RGS21: variants seen among roughly 807,000 people sequenced by gnomAD.
RGS21 encodes regulator of G protein signaling 21.
Under a neutral mutation model 18.7 loss-of-function variants are expected in RGS21, and 19 were observed. The ratio of observed to expected loss-of-function variants is 1.01; its 90% CI spans 0.71 to 1.49. RGS21 has a LOEUF of 1.49. Among genes scored for constraint, RGS21 ranks in the 40% most tolerant of loss-of-function variants. The probability of loss-of-function intolerance (pLI) is 0.00; values close to 1 mark genes in which losing one functional copy is unlikely to be tolerated. For synonymous variants in RGS21, 56 were observed against 57.8 expected, an observed-to-expected ratio of 0.97 and a Z score of 0.14; for missense variants, 194 against 176.8, an observed-to-expected ratio of 1.10 and a Z score of -0.55.
chr1:192,365,820 A>G, intron 4 of RGS21, 101 bp from the exon 5 acceptor site: 2 of 645,632 alleles, frequency 3.1e-6, no homozygotes, highest in South Asian at 2.0e-5. Flanking sequence ...TTTGCATCAG[A>G]TTTGCTTTGT....
chr1:192,350,141 T>C (rs535376596), intron 3 of RGS21, among the ~76,000 whole-genome samples: 2 of 152,300 alleles, frequency 1.3e-5, no homozygotes, highest in African/African-American at 4.8e-5. Context: ...TGAATTTTTA[T>C]ATAGTGCTCA....
At chr1:192,324,539 A>T (rs1170650641) in intron 1 of RGS21, among the ~76,000 whole-genome samples, 1 of 152,060 alleles carries the variant, frequency 6.6e-6, no homozygotes, top group African/African-American at 2.4e-5. Context: ...TGAAATAATG[A>T]TTATGTTGCA....
chr1:192,339,202 A>T (rs757875832), intron 1 of RGS21, among the ~76,000 whole-genome samples: 1 of 150,462 alleles, frequency 6.6e-6, no homozygotes. Context: ...TGGATGTCAT[A>T]CAATCAAATC....
At chr1:192,325,218 G>A (rs143936811) in intron 1 of RGS21, among the ~76,000 whole-genome samples, 1,750 of 152,102 alleles carry the variant, frequency 0.012, 21 homozygotes, top group Middle Eastern at 0.061. Flanking sequence ...CTAAGAACAG[G>A]AGGTATTTGG....
chr1:192,356,271 G>C (rs1355316241), intron 4 of RGS21, among the ~76,000 whole-genome samples: 1 of 151,730 alleles, frequency 6.6e-6, no homozygotes, highest in Non-Finnish European at 1.5e-5. Context: ...TCTGTGCCTA[G>C]TCACATCCTT....
At position 192,347,332 on chromosome 1, in the gene RGS21, C is replaced by T; in HGVS notation, c.31C>T (p.Pro11Ser). 6.2e-7 allele frequency: 1 copy of T among 1,606,730 alleles called. No individual in the cohort carries two copies. The highest frequency in any genetic ancestry group is 8.5e-7 in the Non-Finnish European group (1 of 1,174,216). Residue 11 changes from proline (P) to serine (S), a missense_variant, in exon 3 of 5, where the codon CCA becomes TCA. By Grantham distance (74) the Pro-to-Ser change is moderately conservative. Coordinates refer to ENST00000417209, the MANE Select transcript of RGS21 (RefSeq NM_001039152.3). ...GGTTAGATGCTGTTTCTACAGGTCA[C>T]CAACTGCGGAAACAATGACATGGTC... MPVKCCFYRS[P>S]TAETMTWSEN...
intron 2 of RGS21, among the ~76,000 whole-genome samples, chr1:192,345,094 T>C (rs921196252): frequency 1.3e-5 from 2 of 152,122 alleles, no homozygotes; most frequent in African/African-American, 4.8e-5. Context: ...ATGAAGATGA[T>C]ACAAATAGCT....
chr1:192,363,824 T>C (rs536968792), intron 4 of RGS21, among the ~76,000 whole-genome samples: 3 of 152,152 alleles, frequency 2.0e-5, no homozygotes, highest in Non-Finnish European at 4.4e-5. Flanking sequence ...TTAGGGACTC[T>C]GTGTTTATTT....
chr1:192,350,910 T>C (rs936184081), intron 3 of RGS21, among the ~76,000 whole-genome samples: 2 of 152,070 alleles, frequency 1.3e-5, no homozygotes, highest in Non-Finnish European at 2.9e-5. Context: ...TCAAATATCT[T>C]TAGGAGCAAG....
chr1:192,333,628 CAAAAAAA>C (rs376989840), intron 1 of RGS21, among the ~76,000 whole-genome samples: 190 of 102,404 alleles, frequency 1.9e-3, no homozygotes, highest in African/African-American at 4.9e-3. Flanking sequence ...CTCAAAATGA[CAAAAAAA>C]AAAAAAAAAA....
intron 4 of RGS21, among the ~76,000 whole-genome samples, chr1:192,361,893 A>G (rs1472787142): frequency 6.6e-6 from 1 of 152,142 alleles, no homozygotes; most frequent in Non-Finnish European, 1.5e-5. Flanking sequence ...ATAAAAAGGA[A>G]ATTATAGTGA....
intron 1 of RGS21, among the ~76,000 whole-genome samples, chr1:192,337,031 A>C (rs145132691): frequency 0.012 from 1,752 of 152,204 alleles, 21 homozygotes; most frequent in Middle Eastern, 0.061. Flanking sequence ...TGGCTTTGAT[A>C]ATTTATTCTA....
intron 4 of RGS21, among the ~76,000 whole-genome samples, chr1:192,362,651 G>C (rs911799036): frequency 2.6e-5 from 4 of 152,162 alleles, no homozygotes. Flanking sequence ...CAGTAAACCT[G>C]CTCATCACTT....
At chr1:192,352,612 T>A (rs1159900393) in intron 4 of RGS21, among the ~76,000 whole-genome samples, 2 of 152,108 alleles carry the variant, frequency 1.3e-5, no homozygotes, top group East Asian at 1.9e-4. Context: ...ATAGCATTCT[T>A]GAATATTTAA....
chr1:192,341,924 C>T (rs1342665631), intron 1 of RGS21, among the ~76,000 whole-genome samples: 2 of 152,062 alleles, frequency 1.3e-5, no homozygotes, highest in East Asian at 3.9e-4. Flanking sequence ...TTTGCTTATC[C>T]TAAGAACATT....
intron 4 of RGS21, among the ~76,000 whole-genome samples, chr1:192,357,423 A>C (rs1447433630): frequency 6.6e-6 from 1 of 151,916 alleles, no homozygotes; most frequent in Non-Finnish European, 1.5e-5. Context: ...GGAGACACAG[A>C]AAGAGGGAGG....
intron 1 of RGS21, among the ~76,000 whole-genome samples, chr1:192,335,004 T>C (rs986647278): frequency 6.6e-6 from 1 of 152,148 alleles, no homozygotes; most frequent in African/African-American, 2.4e-5. Context: ...TATCACCATA[T>C]CTGGACCTAC....
In RGS21 at chr1:192,328,235, C is replaced by T. The variant is rs533852659; in HGVS notation, c.-61+11130C>T. On this transcript the variant is annotated intron_variant, in intron 1 of 4. Coordinates refer to ENST00000417209, the MANE Select transcript of RGS21 (RefSeq NM_001039152.3). Reference sequence around the variant, plus strand: ...GGCTCCGAGGGCGGCCAGGGACAGACGTATGATACAAGACTATTAGAATTA... The same window carrying T: ...GGCTCCGAGGGCGGCCAGGGACAGATGTATGATACAAGACTATTAGAATTA... 1.2e-4 allele frequency among the ~76,000 whole-genome samples: 18 copies of T among 152,192 alleles called. No individual in the cohort carries two copies. The South Asian group carries it at 2.9e-3, about 25-fold the overall frequency.
chr1:192,358,078 CTTT>C, intron 4 of RGS21, among the ~76,000 whole-genome samples: 1 of 152,002 alleles, frequency 6.6e-6, no homozygotes, highest in Middle Eastern at 3.4e-3. Flanking sequence ...GTAGCTGTAG[CTTT>C]TGTATATCTA....
Sources: gnomAD v4.1 joint callset for allele counts (sites outside exome capture counted in the v4.1 genomes callset) on GRCh38, gnomAD v4.1.1 for gene constraint, MANE v1.5 for transcripts, NCBI Gene and HGNC (gene_info 2026-07-23, HGNC 2026-07-21) for gene names.